Variants in PRMT8 observed in about 807,000 individuals in gnomAD.
PRMT8 encodes protein arginine methyltransferase 8.
Under a neutral mutation model 47.1 loss-of-function variants are expected in PRMT8, and 7 were observed. The ratio of observed to expected loss-of-function variants is 0.15; its 90% CI spans 0.08 to 0.28. PRMT8 has a LOEUF of 0.28. Ranked by LOEUF, PRMT8 falls within the 10% of genes least tolerant of loss-of-function variation. The pLI, the probability that PRMT8 is intolerant of heterozygous loss-of-function variation, is 1.00. For synonymous variants in PRMT8, 188 were observed against 186.5 expected, an observed-to-expected ratio of 1.01 and a Z score of -0.07; for missense variants, 237 against 505.4, an observed-to-expected ratio of 0.47 and a Z score of 5.09.
intron 1 of PRMT8, among the ~76,000 whole-genome samples, chr12:3,432,131 C>T (rs1591548079): frequency 6.6e-6 from 1 of 152,260 alleles, no homozygotes; most frequent in African/African-American, 2.4e-5. Flanking sequence ...AAGTGGAAGA[C>T]CCAGATCAGA....
chr12:3,405,527 T>C (rs1233858893), intron 1 of PRMT8, among the ~76,000 whole-genome samples: 1 of 152,198 alleles, frequency 6.6e-6, no homozygotes, highest in Non-Finnish European at 1.5e-5. Context: ...ACAAGGCAAG[T>C]CCCTTTCGCC....
rs1349427337 is a variant in PRMT8, at chr12:3,492,549, CT to C, written c.75+854del. Among the ~76,000 whole-genome samples the C allele has an allele frequency of 2.0e-5, 3 of 152,220 alleles. No homozygotes were observed. The highest frequency in any genetic ancestry group is 7.2e-5 in the African/African-American group (3 of 41,456). On this transcript the variant is annotated intron_variant, in intron 1 of 9. Coordinates refer to ENST00000382622, the MANE Select transcript of PRMT8 (RefSeq NM_019854.5). The surrounding 1 kb of genome is among the most constrained non-coding windows in gnomAD (Gnocchi z 7.5). The stretch of plus-strand genomic sequence containing the variant: ...GTTCTCGGCCCCCGCCTTCGGCAGC[CT>C]TTTTCTCTACTCTCCAGCTGGCCCT...
chr12:3,446,918 G>A (rs1231677395), intron 1 of PRMT8, among the ~76,000 whole-genome samples: 1 of 152,190 alleles, frequency 6.6e-6, no homozygotes, highest in Non-Finnish European at 1.5e-5. Context: ...CACCTTGACT[G>A]ACTCCTTTGC....
chr12:3,434,831 T>C (rs1864719772), intron 1 of PRMT8, among the ~76,000 whole-genome samples: 1 of 151,732 alleles, frequency 6.6e-6, no homozygotes, highest in East Asian at 1.9e-4. Context: ...AAAGGCAAGA[T>C]TGATCGAAGG....
In PRMT8 at chr12:3,508,085, T is replaced by C. The variant is rs183483580; in HGVS notation, c.75+16385T>C. ...TGGCCATGAGGATTACATTTGATAA[T>C]GGGATACGACATAAAGCTGGTAGAT... On this transcript the variant is annotated intron_variant, in intron 1 of 9. Coordinates refer to ENST00000382622, the MANE Select transcript of PRMT8 (RefSeq NM_019854.5). This position sits in a 1 kb window ranked among gnomAD's most constrained non-coding sequence, Gnocchi z 4.9. Among the ~76,000 whole-genome samples, 1 of 152,364 alleles carries C rather than the reference T, an allele frequency of 6.6e-6. No homozygotes were observed. The highest frequency in any genetic ancestry group is 1.9e-4 in the East Asian group (1 of 5,192).
chr12:3,515,744 A>G (rs1391217639), intron 1 of PRMT8, among the ~76,000 whole-genome samples: 1 of 152,202 alleles, frequency 6.6e-6, no homozygotes, highest in Non-Finnish European at 1.5e-5. Context: ...GTGTGGTTGA[A>G]CTAGCAGGGC....
chr12:3,498,361 G>C (rs547435598), intron 1 of PRMT8, among the ~76,000 whole-genome samples: 1 of 152,344 alleles, frequency 6.6e-6, no homozygotes, highest in African/African-American at 2.4e-5. Context: ...GAAGAGAAAG[G>C]GTGGAGAAAT....
At chr12:3,435,532 T>C (rs1217470649) in intron 1 of PRMT8, among the ~76,000 whole-genome samples, 2 of 151,048 alleles carry the variant, frequency 1.3e-5, no homozygotes, top group Non-Finnish European at 3.0e-5. Flanking sequence ...TTTTCTTTTT[T>C]TTTTTTTGAG....
At chr12:3,403,913 G>A (rs1864347047) in intron 1 of PRMT8, among the ~76,000 whole-genome samples, 1 of 146,236 alleles carries the variant, frequency 6.8e-6, no homozygotes, top group South Asian at 2.1e-4. Context: ...GAGAAAAAAT[G>A]CTGTCTTTAA....
chr12:3,568,908 A>G (rs1866788811), intron 5 of PRMT8, 60 bp downstream of exon 5: 2 of 1,604,784 alleles, frequency 1.2e-6, no homozygotes, highest in South Asian at 2.2e-5. Flanking sequence ...CCTCTACCCA[A>G]GGCCTGCAGC....
chr12:3,544,642 C>T (rs1866296221), intron 2 of PRMT8, among the ~76,000 whole-genome samples: 1 of 152,142 alleles, frequency 6.6e-6, no homozygotes, highest in South Asian at 2.1e-4. Flanking sequence ...TGGCTCGCTG[C>T]CTGGCAGGAT....
chr12:3,429,083 C>A (rs1864643337), intron 1 of PRMT8, among the ~76,000 whole-genome samples: 1 of 152,070 alleles, frequency 6.6e-6, no homozygotes, highest in Admixed American at 6.6e-5. Flanking sequence ...TCTGTCTCTG[C>A]TGGTCTTTCC....
chr12:3,511,372 G>T (rs1162630519), intron 1 of PRMT8, among the ~76,000 whole-genome samples: 1 of 152,198 alleles, frequency 6.6e-6, no homozygotes, highest in East Asian at 1.9e-4. Context: ...GACAAAGAAC[G>T]TAAGGGGCTG....
intron 1 of PRMT8, chr12:3,462,970 G>A (rs1865056226): frequency 6.6e-6 from 1 of 152,150 alleles, no homozygotes; most frequent in African/African-American, 2.4e-5. Flanking sequence ...CTTTTGGAGG[G>A]TGGTGAGCGG....
chr12:3,434,815 C>T (rs11830406), intron 1 of PRMT8, among the ~76,000 whole-genome samples: 17,210 of 150,938 alleles, frequency 0.11, 1,590 homozygotes, highest in African/African-American at 0.26. Context: ...CATGAGGCTG[C>T]AATGAAAAGG....
intron 1 of PRMT8, among the ~76,000 whole-genome samples, chr12:3,499,071 A>T (rs1211726663): frequency 6.6e-6 from 1 of 152,086 alleles, no homozygotes; most frequent in Non-Finnish European, 1.5e-5. Context: ...GTCTTCTTAT[A>T]AGGACAACAG....
chr12:3,426,417 G>A (rs1864604989), intron 1 of PRMT8, among the ~76,000 whole-genome samples: 1 of 152,130 alleles, frequency 6.6e-6, no homozygotes, highest in South Asian at 2.1e-4. Context: ...ACAGAACGTT[G>A]GACCAACTAT....
At chr12:3,581,390 A>G (rs1867062770) in intron 7 of PRMT8, among the ~76,000 whole-genome samples, 1 of 152,106 alleles carries the variant, frequency 6.6e-6, no homozygotes, top group Non-Finnish European at 1.5e-5. Context: ...AGTTTTGAAG[A>G]AGGACCTAAT....
At chr12:3,425,833 T>C (rs1864598318) in intron 1 of PRMT8, among the ~76,000 whole-genome samples, 1 of 152,248 alleles carries the variant, frequency 6.6e-6, no homozygotes, top group Admixed American at 6.5e-5. Context: ...ACTCCAATTA[T>C]TCGGCAGAGT....
Sources: allele counts gnomAD v4.1 joint callset (sites outside exome capture counted in the v4.1 genomes callset), GRCh38; gene constraint gnomAD v4.1.1; non-coding constraint Gnocchi (gnomAD v3.1); transcripts MANE v1.5; gene names NCBI Gene and HGNC (gene_info 2026-07-23, HGNC 2026-07-21).